NFU1: variants seen among roughly 807,000 people sequenced by gnomAD.
NFU1 encodes NFU1 iron-sulfur cluster scaffold, also known as NFU1 iron-sulfur cluster scaffold homolog, mitochondrial.
A neutral mutation model predicts 32.2 loss-of-function variants in NFU1; 30 were observed. The observed-to-expected ratio is 0.93, with a 90% CI of 0.70 to 1.26. NFU1 has a LOEUF of 1.26. Among genes scored for constraint, NFU1 ranks in the 50% most tolerant of loss-of-function variants. The probability of loss-of-function intolerance (pLI) is 0.00; values close to 1 mark genes in which losing one functional copy is unlikely to be tolerated. For missense variants in NFU1, 306 were observed against 306.6 expected (o/e 1.00, Z 0.02); for synonymous variants, 112 against 104.6 (o/e 1.07, Z -0.43).
At chr2:69,438,720 C>A (rs891096671), upstream of NFU1, among the ~76,000 whole-genome samples, 1 of 152,094 alleles carries the variant, frequency 6.6e-6, no homozygotes, top group Non-Finnish European at 1.5e-5. Flanking sequence ...TTCTATGGCC[C>A]ACAGACACAT....
upstream of NFU1, among the ~76,000 whole-genome samples, chr2:69,439,538 T>C (rs910963816): frequency 6.6e-6 from 1 of 152,182 alleles, no homozygotes; most frequent in African/African-American, 2.4e-5. Flanking sequence ...AAAGCTTTCA[T>C]AACATGGAAG....
At chr2:69,426,984 G>A (rs143367190) in intron 2 of NFU1, among the ~76,000 whole-genome samples, 2,357 of 147,014 alleles carry the variant, frequency 0.016, 49 homozygotes, top group African/African-American at 0.05. Context: ...CAGGAGAATC[G>A]ATTGAACCCG....
At chr2:69,416,880 G>A (rs769476481) in intron 4 of NFU1, among the ~76,000 whole-genome samples, 5 of 151,902 alleles carry the variant, frequency 3.3e-5, no homozygotes, top group African/African-American at 4.8e-5. Flanking sequence ...CCTGGGCGAC[G>A]GAGTGAGACT....
intron 1 of NFU1, among the ~76,000 whole-genome samples, chr2:69,432,994 A>C (rs1673695371): frequency 6.6e-6 from 1 of 151,772 alleles, no homozygotes; most frequent in Non-Finnish European, 1.5e-5. Context: ...TACTAAAAAT[A>C]CAAAAAATAG....
At chr2:69,437,717 C>G (rs1438936412), upstream of NFU1, 4 of 527,512 alleles carry the variant, frequency 7.6e-6, no homozygotes, top group Non-Finnish European at 1.4e-5. Context: ...AGGTTTTTAG[C>G]TGGTGCTGGT....
intron 2 of NFU1, among the ~76,000 whole-genome samples, chr2:69,431,635 T>C (rs1029989283): frequency 1.3e-5 from 2 of 152,234 alleles, no homozygotes; most frequent in African/African-American, 4.8e-5. Flanking sequence ...TATTTTCATT[T>C]TGGAAATCAT....
chr2:69,416,373 A>G (rs1027577952), intron 4 of NFU1, among the ~76,000 whole-genome samples: 2 of 131,048 alleles, frequency 1.5e-5, no homozygotes, highest in African/African-American at 3.6e-5. Context: ...TATTAGTAAT[A>G]ATATTATTAT....
chr2:69,408,416 C>T (rs980564558), intron 5 of NFU1, among the ~76,000 whole-genome samples: 21 of 152,194 alleles, frequency 1.4e-4, no homozygotes, highest in African/African-American at 4.1e-4. Flanking sequence ...AACATATTTG[C>T]TTATATAAAT....
chr2:69,424,203 A>ATATATATG (rs1673376791), intron 2 of NFU1, among the ~76,000 whole-genome samples: 1 of 115,552 alleles, frequency 8.7e-6, no homozygotes, highest in South Asian at 2.6e-4. Context: ...AAAAAAATAT[A>ATATATATG]TATATATATA....
intron 1 of NFU1, among the ~76,000 whole-genome samples, chr2:69,435,431 TTC>T (rs993860513): frequency 3.5e-4 from 53 of 152,350 alleles, no homozygotes; most frequent in Admixed American, 3.5e-3. Context: ...CCACATTTTT[TTC>T]TCTCTCTCAC....
intron 4 of NFU1, 40 bp downstream of exon 4, chr2:69,419,495 TGAA>T (rs755149278): frequency 1.3e-5 from 13 of 1,034,454 alleles, no homozygotes; most frequent in Non-Finnish European, 1.6e-5. Context: ...CAGAAAAAAA[TGAA>T]GAGTATTTCA....
intron 1 of NFU1, among the ~76,000 whole-genome samples, chr2:69,436,454 A>C (rs189150044): frequency 1.3e-5 from 2 of 152,340 alleles, no homozygotes; most frequent in Admixed American, 1.3e-4. Flanking sequence ...CCTTCAGCCC[A>C]GGGAAAAGGC....
chr2:69,409,669 T>C (rs1672814084), intron 5 of NFU1, among the ~76,000 whole-genome samples: 1 of 152,192 alleles, frequency 6.6e-6, no homozygotes, highest in South Asian at 2.1e-4. Flanking sequence ...AGCTGGCCCA[T>C]GCAGAGATCA....
intron 3 of NFU1, among the ~76,000 whole-genome samples, chr2:69,423,246 G>A (rs1247481944): frequency 9.1e-5 from 1 of 10,940 alleles, no homozygotes; most frequent in Non-Finnish European, 1.6e-4. Context: ...CTGTGTGAGT[G>A]TGTGTGTGTG....
intron 4 of NFU1, among the ~76,000 whole-genome samples, chr2:69,417,623 G>T (rs948156158): frequency 1.7e-4 from 26 of 152,060 alleles, no homozygotes; most frequent in Non-Finnish European, 3.1e-4. Context: ...CTGTATTCCA[G>T]CCTGGGGAAA....
At chr2:69,412,945 G>T (rs1208048476) in intron 5 of NFU1, among the ~76,000 whole-genome samples, 1 of 151,222 alleles carries the variant, frequency 6.6e-6, no homozygotes, top group African/African-American at 2.4e-5. Flanking sequence ...AAAAGTAAAT[G>T]GCCAATAAAC....
chr2:69,423,463 A>G, intron 3 of NFU1, 119 bp downstream of exon 3: 1 of 882,996 alleles, frequency 1.1e-6, no homozygotes, highest in Non-Finnish European at 1.7e-6. Flanking sequence ...ATTATTTTCT[A>G]CACTTAAAAA....
upstream of NFU1, chr2:69,437,609 G>A (rs1326817486): frequency 8.3e-6 from 6 of 719,696 alleles, no homozygotes; most frequent in East Asian, 8.1e-5. Flanking sequence ...CTGACCAAGA[G>A]AGGCCGGGGA....
chr2:69,398,476 C>G (rs1399705284), intron 7 of NFU1, among the ~76,000 whole-genome samples: 1 of 152,176 alleles, frequency 6.6e-6, no homozygotes, highest in East Asian at 1.9e-4. Context: ...TCTAAGTTTT[C>G]TACTTAATTC....
Sources: gnomAD v4.1 joint callset for allele counts (sites outside exome capture counted in the v4.1 genomes callset) on GRCh38, gnomAD v4.1.1 for gene constraint, MANE v1.5 for transcripts, NCBI Gene and HGNC (gene_info 2026-07-23, HGNC 2026-07-21) for gene names.